ZNF205: variants seen among roughly 807,000 people sequenced by gnomAD.
ZNF205 encodes transcriptional repressor RHIT.
Under a neutral mutation model 53.6 loss-of-function variants are expected in ZNF205, and 32 were observed. The ratio of observed to expected loss-of-function variants is 0.60; its 90% CI spans 0.45 to 0.80. The LOEUF (loss-of-function observed/expected upper bound fraction) is 0.80. Ranked by LOEUF, ZNF205 falls within the 30% of genes least tolerant of loss-of-function variation. ZNF205 has a pLI of 0.00. For missense variants in ZNF205, 836 were observed against 782.4 expected (o/e 1.07, Z -0.82); for synonymous variants, 382 against 334.3 (o/e 1.14, Z -1.56).
At chr16:3,114,062 G>T (rs1414418089) in intron 2 of ZNF205, among the ~76,000 whole-genome samples, 1 of 151,960 alleles carries the variant, frequency 6.6e-6, no homozygotes, top group African/African-American at 2.4e-5. Flanking sequence ...TGTCTCGCAG[G>T]GTCACTGGGA....
At chr16:3,112,727 C>T (rs1391708989) in intron 1 of ZNF205, 45 bp downstream of exon 1, 2 of 266,118 alleles carry the variant, frequency 7.5e-6, no homozygotes, top group Non-Finnish European at 7.6e-6. Flanking sequence ...CCGAGACCGG[C>T]GCAGATGATC....
chr16:3,119,602 C>T lies in ZNF205; in HGVS notation c.942C>T (p.Gly314=). 1 of 1,610,096 alleles carries T rather than the reference C, an allele frequency of 6.2e-7. No homozygotes were observed. The highest frequency in any genetic ancestry group is 1.3e-5 in the African/African-American group (1 of 75,038). ...GRKSYRCEQC[G]KGFSWHSHLV... is the part of the protein sequence containing the mutation. ...AGAGCTACCGGTGCGAGCAGTGCGG[C>T]AAGGGCTTCAGCTGGCACTCGCACC... Residue 314 remains glycine, a synonymous_variant, in exon 7 of 7, where the codon GGC becomes GGT. Transcript: ENST00000219091.
chr16:3,113,843 G>C (rs181780166), intron 2 of ZNF205, among the ~76,000 whole-genome samples: 236 of 152,158 alleles, frequency 1.6e-3, no homozygotes, highest in African/African-American at 5.3e-3. Context: ...CTGAGCTCCC[G>C]GTCCTTTCTC....
intron 2 of ZNF205, chr16:3,114,980 C>G (rs1023475630): frequency 5.8e-6 from 1 of 172,620 alleles, no homozygotes; most frequent in Non-Finnish European, 1.2e-5. Flanking sequence ...GTATAAAGAC[C>G]CTTTTCCCCA....
intron 2 of ZNF205, among the ~76,000 whole-genome samples, chr16:3,113,800 C>T (rs1957303564): frequency 6.6e-6 from 1 of 152,168 alleles, no homozygotes; most frequent in Admixed American, 6.5e-5. Context: ...CGTGCTTCTC[C>T]ACCTGGAACC....
chr16:3,119,952 A>T lies in ZNF205; in HGVS notation c.1292A>T (p.Gln431Leu). ...CCCATCTGCGCCAAGTGCTTCACGC[A>T]GAGCTCGGCGCTAGTCACCCACCAG... is the stretch of plus-strand genomic sequence containing the variant. ...KCPICAKCFT[Q>L]SSALVTHQRT... Residue 431 changes from glutamine (Q) to leucine (L), a missense_variant, in exon 7 of 7, where the codon CAG becomes CTG. Transcript: ENST00000219091. The T allele has an allele frequency of 6.2e-7, 1 of 1,613,560 alleles. No individual in the cohort carries two copies.
rs1019271470 is a variant in ZNF205, at chr16:3,115,368, G to A, written c.71G>A (p.Gly24Glu). 1.0e-5 allele frequency: 16 copies of A among 1,600,096 alleles called. No individual in the cohort carries two copies. The highest frequency in any genetic ancestry group is 1.7e-5 in the Admixed American group (1 of 58,002). Residue 24 changes from glycine (G) to glutamate (E), a missense_variant, in exon 3 of 7, where the codon GGA becomes GAA. Physicochemically the swap from Gly to Glu is moderately conservative, Grantham distance 98 (BLOSUM62 -2). Coordinates refer to ENST00000219091, the MANE Select transcript of ZNF205 (RefSeq NM_001042428.2). ...TGTCCTTTCTAGGTTCCAGATCGTG[G>A]ACATCCTCATCAGGAAATGCCTTCT... ...KETPPEVPDR[G>E]HPHQEMPSKL...
intron 5 of ZNF205, among the ~76,000 whole-genome samples, chr16:3,118,425 A>C (rs1957373583): frequency 6.6e-6 from 1 of 152,070 alleles, no homozygotes; most frequent in Non-Finnish European, 1.5e-5. Flanking sequence ...GGTCCAACAC[A>C]TTCCTTTCCT....
intron 5 of ZNF205, 45 bp downstream of exon 5, chr16:3,116,592 CCTGCTCTGCCGT>C: frequency 6.3e-7 from 1 of 1,592,168 alleles, no homozygotes; most frequent in Non-Finnish European, 8.6e-7. Context: ...AGGGAGAGGT[CCTGCTCTGCCGT>C]CTCCTCTTTC....
chr16:3,119,333 G>T lies in ZNF205; in HGVS notation c.673G>T (p.Ala225Ser). Residue 225 changes from alanine to serine, a missense_variant, in exon 7 of 7, where the codon GCA becomes TCA. Physicochemically the swap from Ala to Ser is moderately conservative, Grantham distance 99. Transcript: ENST00000219091. Reference sequence around the variant, plus strand: ...GAATGTGAAGCCCTTCAGAACCAGGGCAGGGAGAGTCCAGTGGGGCGTCCC... The same window carrying T: ...GAATGTGAAGCCCTTCAGAACCAGGTCAGGGAGAGTCCAGTGGGGCGTCCC... ...LGNVKPFRTR[A>S]GRVQWGVPQC... 1 of 1,612,892 alleles carries T rather than the reference G, an allele frequency of 6.2e-7. No homozygotes were observed. Among genetic ancestry groups the T allele is most frequent in the Non-Finnish European group, 8.5e-7 (1 of 1,179,798 alleles).
At chr16:3,118,012 C>CTTTT (rs71158135) in intron 5 of ZNF205, among the ~76,000 whole-genome samples, 1,727 of 74,208 alleles carry the variant, frequency 0.023, 136 homozygotes, top group African/African-American at 0.046. Flanking sequence ...CCATGCCCGG[C>CTTTT]TTTTTTTTTT....
chr16:3,120,155 C>T lies in ZNF205; in HGVS notation c.1495C>T (p.Arg499Cys). The change falls in exon 7 of 7, where the codon CGT becomes TGT. Residue 499 changes from arginine to cysteine, a missense_variant. By Grantham distance (180) the Arg-to-Cys change is radical (BLOSUM62 -3). Transcript: ENST00000219091. Reference protein sequence around the residue: ...SHLTAHQRTHRGVRPYACPLC... With the variant: ...SHLTAHQRTHCGVRPYACPLC... ...CCTCACCGCGCACCAGCGCACCCAC[C>T]GTGGCGTGCGGCCCTACGCCTGCCC... 6.2e-7 allele frequency: 1 copy of T among 1,606,604 alleles called. No individual in the cohort carries two copies. The highest frequency in any genetic ancestry group is 1.1e-5 in the South Asian group (1 of 90,250).
intron 2 of ZNF205, among the ~76,000 whole-genome samples, chr16:3,114,590 G>A (rs1244889407): frequency 3.9e-5 from 6 of 152,194 alleles, no homozygotes; most frequent in Non-Finnish European, 7.3e-5. Flanking sequence ...AAGCTTTTGA[G>A]CTATGTGGTC....
intron 5 of ZNF205, among the ~76,000 whole-genome samples, chr16:3,118,026 T>TTTC (rs1452872196): frequency 1.4e-5 from 2 of 144,160 alleles, no homozygotes; most frequent in Non-Finnish European, 3.0e-5. Context: ...TTTTTTTTTT[T>TTTC]TTTTTTTTTG....
At chr16:3,115,660 C>G in intron 3 of ZNF205, 92 bp downstream of exon 3, 1 of 1,436,768 alleles carries the variant, frequency 7.0e-7, no homozygotes, top group Non-Finnish European at 9.3e-7. Flanking sequence ...CTGAGGGTCT[C>G]TATGCCAGCA....
At position 3,119,387 on chromosome 16, in the gene ZNF205, C is replaced by A; in HGVS notation, c.727C>A (p.Arg243=). 6.2e-7 allele frequency: 1 copy of A among 1,611,446 alleles called. No individual in the cohort carries two copies. The highest frequency in any genetic ancestry group is 8.5e-7 in the Non-Finnish European group (1 of 1,179,364). ...PQCAQEAACG[R]SSGPAKDSGQ... is the part of the protein sequence containing the mutation. ...GTGCGCGCAGGAAGCAGCCTGCGGC[C>A]GGAGCTCAGGGCCGGCCAAAGACTC... Residue 243 remains arginine (R), a synonymous_variant, in exon 7 of 7, where the codon CGG becomes AGG. Coordinates refer to ENST00000219091, the MANE Select transcript of ZNF205 (RefSeq NM_001042428.2).
chr16:3,116,575 G>A, intron 5 of ZNF205, 28 bp downstream of exon 5: 2 of 1,607,612 alleles, frequency 1.2e-6, no homozygotes, highest in Non-Finnish European at 1.7e-6. Flanking sequence ...GGGGGGACTG[G>A]GGTGTTAGGG....
At position 3,120,032 on chromosome 16, in the gene ZNF205, A is replaced by G. The variant is rs544690363; in HGVS notation, c.1372A>G (p.Ser458Gly). 6 of 1,613,568 alleles carry G rather than the reference A, an allele frequency of 3.7e-6. No homozygotes were observed. The highest frequency in any genetic ancestry group is 1.6e-4 in the Middle Eastern group (1 of 6,062). Residue 458 changes from serine (S) to glycine (G), a missense_variant, in exon 7 of 7, where the codon AGC becomes GGC. Coordinates refer to ENST00000219091, the MANE Select transcript of ZNF205 (RefSeq NM_001042428.2). ...YPCPECGKCF[S>G]QRSNLIAHNR... is the part of the protein sequence containing the mutation. ...GTGCCCCGAGTGCGGCAAGTGCTTC[A>G]GCCAGCGTTCCAACCTCATCGCGCA...
At chr16:3,118,803 G>T in intron 5 of ZNF205, 102 bp from the exon 6 acceptor site, 2 of 1,273,378 alleles carry the variant, frequency 1.6e-6, no homozygotes, top group East Asian at 2.4e-5. Flanking sequence ...CCTGTTTCCA[G>T]AGCCTCACCC....
Sources: allele counts gnomAD v4.1 joint callset (sites outside exome capture counted in the v4.1 genomes callset), GRCh38; gene constraint gnomAD v4.1.1; transcripts MANE v1.5; gene names NCBI Gene and HGNC (gene_info 2026-07-23, HGNC 2026-07-21).